PREX1: variants seen among roughly 807,000 people sequenced by gnomAD.
The protein encoded by PREX1 is phosphatidylinositol 3,4,5-trisphosphate-dependent Rac exchanger 1 protein.
PREX1 carries 41 observed loss-of-function variants against 198.3 expected under a neutral mutation model. That is an observed-to-expected ratio of 0.21 (90% confidence interval 0.16 to 0.27). The LOEUF (loss-of-function observed/expected upper bound fraction) is 0.27. PREX1 is among the 10% of genes least tolerant of loss of function. The pLI, the probability that PREX1 is intolerant of heterozygous loss-of-function variation, is 1.00. For missense variants in PREX1, 1,620 were observed against 2,200.7 expected (o/e 0.74, Z 5.28); for synonymous variants, 843 against 887.2 (o/e 0.95, Z 0.89).
chr20:48,655,235 A>C, intron 19 of PREX1, 55 bp downstream of exon 19: 1 of 1,455,778 alleles, frequency 6.9e-7, no homozygotes, highest in Non-Finnish European at 9.4e-7. Context: ...CCTGCCACAC[A>C]GACAGATCCA....
chr20:48,747,862 G>A lies in PREX1; in HGVS notation c.238C>T (p.Arg80Trp). The change falls in exon 2 of 40, where the codon CGG (arginine) becomes TGG (tryptophan). Residue 80 changes from arginine to tryptophan, a missense_variant. Transcript: ENST00000371941. ...TCCACTGAGTCGGCCACGTTCTGCC[G>A]GATGCGATGCAGGAATGCCTGGAGG... ...FLQSAFLHRI[R>W]QNVADSVEKG... is the part of the protein sequence containing the mutation. 3 of 1,613,354 alleles carry A rather than the reference G, an allele frequency of 1.9e-6. No homozygotes were observed. Among genetic ancestry groups the A allele is most frequent in the Non-Finnish European group, 2.5e-6 (3 of 1,179,748 alleles).
chr20:48,718,202 C>G (rs904424895), intron 5 of PREX1, among the ~76,000 whole-genome samples: 1 of 152,170 alleles, frequency 6.6e-6, no homozygotes, highest in East Asian at 1.9e-4. Flanking sequence ...GCTCTATATC[C>G]AGCCTTTCAA....
rs551910335 is a variant in PREX1, at chr20:48,666,455, C to T, written c.1666-100G>A. 3.2e-5 allele frequency: 31 copies of T among 978,782 alleles called. No individual in the cohort carries two copies. The highest frequency in any genetic ancestry group is 1.7e-4 in the South Asian group (12 of 71,886). 60.6% of individuals were successfully genotyped at this position (978,782 alleles called of 1,614,324 possible). Reference sequence around the variant, plus strand: ...CAACCACCCAAGAAGGTAGGCTCCACGAGGGCCAGGGGTTGTCTGTTTTGT... The same window carrying T: ...CAACCACCCAAGAAGGTAGGCTCCATGAGGGCCAGGGGTTGTCTGTTTTGT... On this transcript the variant is annotated intron_variant, in intron 14 of 39. Coordinates refer to ENST00000371941, the MANE Select transcript of PREX1 (RefSeq NM_020820.4). The surrounding 1 kb of genome is among the most constrained non-coding windows in gnomAD (Gnocchi z 4.3).
Position 48,691,072 on chromosome 20 carries a change from G to C in PREX1, c.1061C>G (p.Thr354Ser). The C allele has an allele frequency of 6.2e-7, 1 of 1,614,222 alleles. No homozygotes were observed. Among genetic ancestry groups the C allele is most frequent in the Non-Finnish European group, 8.5e-7 (1 of 1,180,042 alleles). Residue 354 changes from threonine (T) to serine (S), a missense_variant, in exon 9 of 40, where the codon ACC becomes AGC. Thr to Ser is a moderately conservative substitution (Grantham distance 58, BLOSUM62 1). This residue lies in a region of PREX1 where 488 missense variants were observed against 802.5 expected (regional missense o/e 0.61). Coordinates refer to ENST00000371941, the MANE Select transcript of PREX1 (RefSeq NM_020820.4). The surrounding 1 kb of genome is among the most constrained non-coding windows in gnomAD (Gnocchi z 5.0). ...GTGGATCTTCCAGCCGTTGGTGACG[G>C]TATAGCCGTTGCTATGGTAATCCGC... ...GTADYHSNGY[T>S]VTNGWKIHNT...
intron 1 of PREX1, among the ~76,000 whole-genome samples, chr20:48,805,496 C>T (rs1022078985): frequency 6.6e-6 from 1 of 152,188 alleles, no homozygotes. Context: ...ACCTGACACA[C>T]GGGGAGGGGC....
chr20:48,780,173 G>C (rs1043710480), intron 1 of PREX1, among the ~76,000 whole-genome samples: 5 of 152,190 alleles, frequency 3.3e-5, no homozygotes, highest in African/African-American at 1.2e-4. Flanking sequence ...GTAACAATGA[G>C]CATAACTACT....
chr20:48,873,554 CAAA>C, the PREX1 span, among the ~76,000 whole-genome samples: 5,408 of 70,038 alleles, frequency 0.077, 161 homozygotes, highest in African/African-American at 0.15. Flanking sequence ...AGTAAAAATA[CAAA>C]AAAAAAAAAA....
intron 1 of PREX1, among the ~76,000 whole-genome samples, chr20:48,783,266 A>G (rs1472012471): frequency 6.6e-6 from 1 of 152,132 alleles, no homozygotes; most frequent in Non-Finnish European, 1.5e-5. Flanking sequence ...AGGCAGAACA[A>G]TGAGACTGGC....
At chr20:48,784,385 A>G (rs1324244340) in intron 1 of PREX1, among the ~76,000 whole-genome samples, 1 of 152,172 alleles carries the variant, frequency 6.6e-6, no homozygotes, top group Non-Finnish European at 1.5e-5. Context: ...TTGTTATTAC[A>G]TTCTAAATAC....
chr20:48,841,426 G>A, the PREX1 span, among the ~76,000 whole-genome samples: 3 of 152,118 alleles, frequency 2.0e-5, no homozygotes, highest in Non-Finnish European at 4.4e-5. Context: ...AAAAACAATG[G>A]CCCACAAGAC....
chr20:48,677,137 C>T (rs1407982670), intron 13 of PREX1, among the ~76,000 whole-genome samples: 1 of 152,232 alleles, frequency 6.6e-6, no homozygotes, highest in Non-Finnish European at 1.5e-5. Context: ...GTCTGACAGG[C>T]TCCACGTGCA....
intron 1 of PREX1, among the ~76,000 whole-genome samples, chr20:48,779,779 C>T (rs922628583): frequency 2.2e-4 from 33 of 151,990 alleles, no homozygotes; most frequent in African/African-American, 7.7e-4. Flanking sequence ...TCCATTTATA[C>T]GGAATGTGTA....
chr20:48,731,076 A>C (rs1175499932), intron 4 of PREX1, among the ~76,000 whole-genome samples: 1 of 152,106 alleles, frequency 6.6e-6, no homozygotes, highest in Non-Finnish European at 1.5e-5. Context: ...GGTTTCTTTC[A>C]ATCTCTCTGA....
intron 10 of PREX1, among the ~76,000 whole-genome samples, chr20:48,685,037 C>A (rs1015220780): frequency 1.3e-5 from 2 of 152,330 alleles, no homozygotes; most frequent in Non-Finnish European, 2.9e-5. Context: ...CCTGACTTCA[C>A]GCTAAGTATT....
intron 1 of PREX1, among the ~76,000 whole-genome samples, chr20:48,785,212 C>A (rs1461654162): frequency 6.6e-6 from 1 of 152,234 alleles, no homozygotes; most frequent in Admixed American, 6.5e-5. Flanking sequence ...CTGCACCCAG[C>A]CAGATATAAT....
intron 4 of PREX1, among the ~76,000 whole-genome samples, chr20:48,733,064 A>G (rs2090041705): frequency 6.6e-6 from 1 of 152,254 alleles, no homozygotes; most frequent in South Asian, 2.1e-4. Context: ...AGATGTCTGC[A>G]AAGCAGACAA....
intron 23 of PREX1, among the ~76,000 whole-genome samples, chr20:48,650,682 G>A (rs572362521): frequency 2.0e-5 from 3 of 152,352 alleles, no homozygotes; most frequent in Admixed American, 6.5e-5. Context: ...TGAACCCAGC[G>A]CTAAGGAAAA....
chr20:48,670,358 T>C (rs1276837312), intron 14 of PREX1, among the ~76,000 whole-genome samples: 3 of 150,110 alleles, frequency 2.0e-5, no homozygotes, highest in Admixed American at 6.7e-5. Flanking sequence ...TGCCTGGTAG[T>C]GGGAGCCCAC....
chr20:48,684,114 C>T lies in PREX1; in HGVS notation c.1335-2779G>A, dbSNP rs577918579. Among the ~76,000 whole-genome samples the T allele has an allele frequency of 6.6e-6, 1 of 151,968 alleles. No individual in the cohort carries two copies. Among genetic ancestry groups the T allele is most frequent in the Non-Finnish European group, 1.5e-5 (1 of 67,818 alleles). On this transcript the variant is annotated intron_variant, in intron 10 of 39. Transcript: ENST00000371941. This position sits in a 1 kb window ranked among gnomAD's most constrained non-coding sequence, Gnocchi z 4.2. ...TGAGCTGAGAGTTAGGATGTGTCAG[C>T]TTTCATCCCTCCTTCCTTCCCGCCT...
Sources: gnomAD v4.1 joint callset for allele counts (sites outside exome capture counted in the v4.1 genomes callset) on GRCh38, gnomAD v4.1.1 for gene constraint, gnomAD v4.1.1 regional missense constraint, Gnocchi (gnomAD v3.1) non-coding constraint, MANE v1.5 for transcripts, NCBI Gene and HGNC (gene_info 2026-07-23, HGNC 2026-07-21) for gene names.